Variants in QTRT2 observed in about 807,000 individuals in gnomAD.
QTRT2 encodes queuine tRNA-ribosyltransferase domain containing 1.
In QTRT2, 32 loss-of-function variants were observed where a neutral mutation model predicts 44.8. That is an observed-to-expected ratio of 0.71 (90% CI 0.54 to 0.96). QTRT2 has a LOEUF of 0.96. Ranked by LOEUF, QTRT2 falls within the 40% of genes least tolerant of loss-of-function variation. QTRT2 has a pLI of 0.00. For synonymous variants in QTRT2, 182 were observed against 187.4 expected (o/e 0.97, Z 0.24); for missense variants, 461 against 503.1 (o/e 0.92, Z 0.80).
chr3:114,056,891 T>C lies in QTRT2; in HGVS notation c.-130+27T>C, dbSNP rs1297458094. On this transcript the variant is annotated intron_variant, in intron 1 of 9. Transcript: ENST00000281273. ...TAAGTGCCCCTTTGCCCTGCTGGTGTGGGAGCTGCTAGAGATGGATGAGTC... is the reference window on the plus strand; with the variant it reads ...TAAGTGCCCCTTTGCCCTGCTGGTGCGGGAGCTGCTAGAGATGGATGAGTC... The C allele has an allele frequency of 2.0e-6, 3 of 1,535,220 alleles. No individual in the cohort carries two copies. The African/African-American group carries it at 4.1e-5, about 21-fold the overall frequency.
intron 2 of QTRT2, among the ~76,000 whole-genome samples, chr3:114,061,569 T>C (rs2076887210): frequency 6.6e-6 from 1 of 152,180 alleles, no homozygotes. Flanking sequence ...CTTTTCTTTC[T>C]CTTTCTTTTC....
In QTRT2 at chr3:114,074,012, A is replaced by T. The variant is rs972879012; in HGVS notation, c.547-2731A>T. On this transcript the variant is annotated intron_variant, in intron 6 of 9. Coordinates refer to ENST00000281273, the MANE Select transcript of QTRT2 (RefSeq NM_024638.4). ...TTTGGCTTTCTTTTCTTCTCCATAT[A>T]TTACCTGGGTTAGGGATGGCGAATG... Among the ~76,000 whole-genome samples the T allele has an allele frequency of 3.3e-5, 5 of 151,924 alleles. No homozygotes were observed. The East Asian group carries it at 9.7e-4, about 29-fold the overall frequency.
At position 114,058,330 on chromosome 3, in the gene QTRT2, C is replaced by A. The variant is rs143169921; in HGVS notation, c.-22+1224C>A. On this transcript the variant is annotated intron_variant, in intron 2 of 9. Coordinates refer to ENST00000281273, the MANE Select transcript of QTRT2 (RefSeq NM_024638.4). ...CCTTTTATTAGGTTAATTCATTTTT[C>A]TTTATCTTCCCACTTCCCTCTCCAG... 5.2e-3 allele frequency among the ~76,000 whole-genome samples: 787 copies of A among 151,680 alleles called. 8 individuals carry two copies. Among genetic ancestry groups the A allele is most frequent in the African/African-American group, 0.018 (752 of 41,306 alleles).
At chr3:114,066,772 T>A (rs1206678202) in intron 4 of QTRT2, among the ~76,000 whole-genome samples, 1 of 152,210 alleles carries the variant, frequency 6.6e-6, no homozygotes, top group East Asian at 1.9e-4. Flanking sequence ...GGGCAGATGC[T>A]GCAGGCACTG....
At chr3:114,082,067 G>A (rs1014658558) in intron 8 of QTRT2, among the ~76,000 whole-genome samples, 2 of 152,080 alleles carry the variant, frequency 1.3e-5, no homozygotes, top group Admixed American at 1.3e-4. Flanking sequence ...TGTAGTCTGG[G>A]TTCCCTAGAG....
In QTRT2 at chr3:114,065,267, A is replaced by G. The variant is rs2076936683; in HGVS notation, c.10A>G (p.Ser4Gly). The G allele has an allele frequency of 1.9e-6, 3 of 1,613,972 alleles. No homozygotes were observed. The East Asian group carries it at 6.7e-5, about 36-fold the overall frequency. The change falls in exon 3 of 10, where the codon AGT (serine) becomes GGT (glycine). Residue 4 changes from serine to glycine, a missense_variant. Coordinates refer to ENST00000281273, the MANE Select transcript of QTRT2 (RefSeq NM_024638.4). Reference sequence around the variant, plus strand: ...AGAAGAATCCCTTAGGATGAAGCTGAGTCTTACCAAGGTAGTTAATGGCTG... The same window carrying G: ...AGAAGAATCCCTTAGGATGAAGCTGGGTCTTACCAAGGTAGTTAATGGCTG... MKLSLTKVVNGCRL... is the reference protein window; with the variant it reads MKLGLTKVVNGCRL...
chr3:114,088,058 A>G lies in QTRT2; in HGVS notation c.*2154A>G, dbSNP rs548631594. 1.2e-4 allele frequency: 18 copies of G among 152,208 alleles called. No individual in the cohort carries two copies. The highest frequency in any genetic ancestry group is 2.4e-4 in the Non-Finnish European group (16 of 68,044). The allele number at this position is 152,208 out of a possible 1,614,324, so 9.4% of individuals were successfully genotyped here. A position where few individuals can be genotyped will look rare whatever the true frequency, so the allele number is the denominator to read the frequency against. ...ATGAATGGCAAGGGGTACTTATGGAAAACAGTTTTCCAAAGATCTGATTGT... is the reference window on the plus strand; with the variant it reads ...ATGAATGGCAAGGGGTACTTATGGAGAACAGTTTTCCAAAGATCTGATTGT... On this transcript the variant is annotated 3_prime_UTR_variant, in exon 10 of 10. Coordinates refer to ENST00000281273, the MANE Select transcript of QTRT2 (RefSeq NM_024638.4).
At position 114,085,684 on chromosome 3, in the gene QTRT2, A is replaced by G. The variant is rs763541695; in HGVS notation, c.1028A>G (p.Asp343Gly). ...GACTTCTTTCTTAGGTACCAGGAGGACTTTAACCCGCTGGTGAGAGGATGT... is the reference window on the plus strand; with the variant it reads ...GACTTCTTTCTTAGGTACCAGGAGGGCTTTAACCCGCTGGTGAGAGGATGT... Reference protein sequence around the residue: ...INLKEKKYQEDFNPLVRGCSC... With the variant: ...INLKEKKYQEGFNPLVRGCSC... The change falls in exon 10 of 10, where the codon GAC becomes GGC. Residue 343 changes from aspartate (D) to glycine (G), a missense_variant. Transcript: ENST00000281273. 6.2e-7 allele frequency: 1 copy of G among 1,613,702 alleles called. No homozygotes were observed. The highest frequency in any genetic ancestry group is 1.1e-5 in the South Asian group (1 of 91,080).
intron 6 of QTRT2, 75 bp from the exon 7 acceptor site, chr3:114,076,668 C>A: frequency 7.1e-7 from 1 of 1,410,666 alleles, no homozygotes; most frequent in Non-Finnish European, 1.0e-6. Context: ...ATACATTGGA[C>A]TTCCATGTAA....
rs978267006 is a variant in QTRT2 at position 114,082,713 on chromosome 3, G to C, written c.935G>C (p.Cys312Ser). ...AATGGAACACAAGAAGAAATAAAATGTATGGATCAAATAAAGAAAATTGAA... is the reference window on the plus strand; with the variant it reads ...AATGGAACACAAGAAGAAATAAAATCTATGGATCAAATAAAGAAAATTGAA... ...QQNGTQEEIK[C>S]MDQIKKIETT... The change falls in exon 9 of 10, where the codon TGT becomes TCT. Residue 312 changes from cysteine to serine, a missense_variant. Physicochemically the swap from Cys to Ser is moderately radical, Grantham distance 112. Transcript: ENST00000281273. 5 of 1,521,452 alleles carry C rather than the reference G, an allele frequency of 3.3e-6. No homozygotes were observed. The African/African-American group carries it at 5.6e-5, about 17-fold the overall frequency. 94.2% of individuals were successfully genotyped at this position (1,521,452 alleles called of 1,614,324 possible).
At chr3:114,070,480 A>G (rs1271800799) in intron 5 of QTRT2, 146 bp from the exon 6 acceptor site, 6 of 662,808 alleles carry the variant, frequency 9.1e-6, no homozygotes, top group South Asian at 7.6e-5. Context: ...TGTAAGCTAT[A>G]AGATCCTATT....
chr3:114,066,335 G>A (rs1331128023), intron 4 of QTRT2, 52 bp downstream of exon 4: 2 of 1,085,992 alleles, frequency 1.8e-6, no homozygotes, highest in African/African-American at 3.1e-5. Flanking sequence ...TTTGGAGTTT[G>A]GAGGTGCTGT....
intron 2 of QTRT2, chr3:114,057,612 C>T (rs555327466): frequency 4.6e-5 from 7 of 152,330 alleles, no homozygotes; most frequent in African/African-American, 1.7e-4. Context: ...AAATTGTGCT[C>T]ATACAAACTA....
intron 5 of QTRT2, among the ~76,000 whole-genome samples, chr3:114,068,762 C>T (rs2076986260): frequency 1.3e-5 from 2 of 152,112 alleles, no homozygotes; most frequent in South Asian, 4.1e-4. Context: ...AGAGAAAATA[C>T]TTTGGCTGGG....
At chr3:114,069,591 C>G (rs925273631) in intron 5 of QTRT2, among the ~76,000 whole-genome samples, 3 of 152,150 alleles carry the variant, frequency 2.0e-5, no homozygotes, top group African/African-American at 7.2e-5. Context: ...TTTTTTATGG[C>G]TGTATAATAT....
At chr3:114,073,534 C>T (rs927140935) in intron 6 of QTRT2, among the ~76,000 whole-genome samples, 1 of 152,084 alleles carries the variant, frequency 6.6e-6, no homozygotes, top group Non-Finnish European at 1.5e-5. Context: ...CACACGCCAC[C>T]ACACCCGGCT....
At chr3:114,059,665 T>C (rs942605745) in intron 2 of QTRT2, among the ~76,000 whole-genome samples, 13 of 152,240 alleles carry the variant, frequency 8.5e-5, no homozygotes, top group African/African-American at 3.1e-4. Flanking sequence ...CTCTGATGTT[T>C]TCCTCAGATT....
rs559537845 is a variant in QTRT2, at chr3:114,087,251, C to T, written c.*1347C>T. The T allele has an allele frequency of 1.3e-5, 2 of 152,222 alleles. No homozygotes were observed. The highest frequency in any genetic ancestry group is 4.1e-4 in the South Asian group (2 of 4,826). The allele number at this position is 152,222 out of a possible 1,614,324, so 9.4% of individuals were successfully genotyped here. The stretch of plus-strand genomic sequence containing the variant: ...ATTTTGCTATTCAAAATTTAGTGGG[C>T]ATTACTTAACATTGTTTCTAATTAT... On this transcript the variant is annotated 3_prime_UTR_variant, in exon 10 of 10. Coordinates refer to ENST00000281273, the MANE Select transcript of QTRT2 (RefSeq NM_024638.4).
rs377009538 is a variant in QTRT2 at position 114,085,947 on chromosome 3, C to G, written c.*43C>G. ...TCTCACTCTTCACACTGAGCCTGTA[C>G]CACTGTTGTAACATGGGAAGACGTG... On this transcript the variant is annotated 3_prime_UTR_variant, in exon 10 of 10. Coordinates refer to ENST00000281273, the MANE Select transcript of QTRT2 (RefSeq NM_024638.4). 2.1e-6 allele frequency: 3 copies of G among 1,402,826 alleles called. No homozygotes were observed. In the African/African-American group the frequency reaches 4.3e-5, roughly 20 times the overall value. 86.9% of individuals were successfully genotyped at this position (1,402,826 alleles called of 1,614,324 possible). A position where few individuals can be genotyped will look rare whatever the true frequency, so the allele number is the denominator to read the frequency against.
Sources: allele counts gnomAD v4.1 joint callset (sites outside exome capture counted in the v4.1 genomes callset), GRCh38; gene constraint gnomAD v4.1.1; transcripts MANE v1.5; gene names NCBI Gene and HGNC (gene_info 2026-07-23, HGNC 2026-07-21).